Variants in SPAG6 observed in about 807,000 individuals in gnomAD.
SPAG6 encodes the protein sperm-associated antigen 6.
A neutral mutation model predicts 58.5 loss-of-function variants in SPAG6; 49 were observed. The observed-to-expected ratio is 0.84, with a 90% CI of 0.67 to 1.06. The LOEUF (loss-of-function observed/expected upper bound fraction) is 1.06. SPAG6 is among the 50% of genes least tolerant of loss of function. The pLI is 0.00. For missense variants in SPAG6, 560 were observed against 611.3 expected, an observed-to-expected ratio of 0.92 and a Z score of 0.89; for synonymous variants, 233 against 225.6, an observed-to-expected ratio of 1.03 and a Z score of -0.29.
intron 4 of SPAG6, among the ~76,000 whole-genome samples, chr10:22,370,936 A>G (rs945153984): frequency 2.6e-5 from 4 of 152,138 alleles, no homozygotes; most frequent in African/African-American, 9.7e-5. Context: ...AACTGTATAG[A>G]TACTCTCTCA....
rs367697719 is a variant in SPAG6, at chr10:22,401,590, C to G, written c.1314+313C>G. 2.1e-4 allele frequency among the ~76,000 whole-genome samples: 32 copies of G among 152,150 alleles called. 2 individuals are homozygous for G. Among genetic ancestry groups the G allele is most frequent in the African/African-American group, 6.5e-4 (27 of 41,504 alleles). ...AATCTTTCTAGTGTCTTTCATTTCA[C>G]TCACCTGGGAATATGGCAAAGATCA... On this transcript the variant is annotated intron_variant, in intron 9 of 10. Transcript: ENST00000376624.
chr10:22,364,335 T>A (rs1837131974), intron 2 of SPAG6, among the ~76,000 whole-genome samples: 1 of 152,244 alleles, frequency 6.6e-6, no homozygotes, highest in Non-Finnish European at 1.5e-5. Flanking sequence ...CTATTGTTGC[T>A]GTTGTGGTGA....
At chr10:22,352,667 G>A (rs931935761) in intron 2 of SPAG6, among the ~76,000 whole-genome samples, 2 of 152,174 alleles carry the variant, frequency 1.3e-5, no homozygotes, top group Non-Finnish European at 2.9e-5. Context: ...ACTGGCATGT[G>A]CCACCACGCC....
intron 6 of SPAG6, among the ~76,000 whole-genome samples, 178 bp from the exon 7 acceptor site, chr10:22,388,982 T>C (rs1388527990): frequency 1.3e-5 from 2 of 152,206 alleles, no homozygotes; most frequent in African/African-American, 4.8e-5. Flanking sequence ...AGTTTGTGCA[T>C]TTGAACTAGC....
chr10:22,383,866 C>T (rs1320255548), intron 4 of SPAG6, among the ~76,000 whole-genome samples: 2 of 152,028 alleles, frequency 1.3e-5, no homozygotes, highest in Non-Finnish European at 2.9e-5. Flanking sequence ...AAGATCTAGC[C>T]AAGTGTGCAG....
rs191897674 is a variant in SPAG6, at chr10:22,397,464, C to G, written c.1198-3697C>G. 3.6e-3 allele frequency among the ~76,000 whole-genome samples: 550 copies of G among 152,208 alleles called. 2 individuals are homozygous for G. The highest frequency in any genetic ancestry group is 0.013 in the African/African-American group (533 of 41,512). On this transcript the variant is annotated intron_variant, in intron 8 of 10. Transcript: ENST00000376624. ...AGTAGTTGGGATTACAGGCATGTAC[C>G]ACCATGCCTGGCTAATTTTTTTGGT...
At chr10:22,355,903 A>T (rs2132035616) in intron 2 of SPAG6, among the ~76,000 whole-genome samples, 1 of 152,350 alleles carries the variant, frequency 6.6e-6, no homozygotes, top group East Asian at 1.9e-4. Context: ...AGAACATGTT[A>T]TACAATTCAT....
chr10:22,360,996 T>A, intron 2 of SPAG6: 1 of 636,384 alleles, frequency 1.6e-6, no homozygotes, highest in Non-Finnish European at 2.8e-6. Flanking sequence ...AAAGTCTCCA[T>A]GTTTAATATG....
At chr10:22,351,482 C>A (rs1443747494) in intron 2 of SPAG6, among the ~76,000 whole-genome samples, 1 of 152,200 alleles carries the variant, frequency 6.6e-6, no homozygotes, top group Admixed American at 6.5e-5. Flanking sequence ...GGGCTGTCAG[C>A]TGCCTGTGAC....
chr10:22,405,971 A>T (rs1018973419), intron 9 of SPAG6, among the ~76,000 whole-genome samples: 27 of 151,996 alleles, frequency 1.8e-4, no homozygotes, highest in Admixed American at 1.6e-3. Context: ...TTTCTGTGGG[A>T]TCGGTGGTGA....
chr10:22,384,934 A>G (rs966117888), intron 4 of SPAG6, among the ~76,000 whole-genome samples: 1 of 152,200 alleles, frequency 6.6e-6, no homozygotes, highest in Non-Finnish European at 1.5e-5. Context: ...TTTTGTTAAT[A>G]GTACTTTTAA....
intron 10 of SPAG6, among the ~76,000 whole-genome samples, chr10:22,413,607 C>G (rs1290641884): frequency 6.6e-6 from 1 of 151,344 alleles, no homozygotes; most frequent in Non-Finnish European, 1.5e-5. Flanking sequence ...TTCCCCAATT[C>G]TGTGGGCTGG....
At chr10:22,387,087 A>G in intron 5 of SPAG6, 128 bp downstream of exon 5, 1 of 697,144 alleles carries the variant, frequency 1.4e-6, no homozygotes. Flanking sequence ...ATATGAATAT[A>G]TTATGTATTT....
chr10:22,362,777 T>C (rs1393493392), intron 2 of SPAG6, among the ~76,000 whole-genome samples: 1 of 151,820 alleles, frequency 6.6e-6, no homozygotes, highest in East Asian at 1.9e-4. Flanking sequence ...TCGACGATAA[T>C]GACAATACAA....
intron 9 of SPAG6, among the ~76,000 whole-genome samples, chr10:22,402,241 A>C (rs906157643): frequency 2.0e-5 from 3 of 152,236 alleles, no homozygotes; most frequent in Non-Finnish European, 4.4e-5. Context: ...AGTTGTATTT[A>C]AGAAATAAAA....
intron 10 of SPAG6, among the ~76,000 whole-genome samples, chr10:22,415,449 T>C (rs1834845926): frequency 6.6e-6 from 1 of 152,190 alleles, no homozygotes; most frequent in African/African-American, 2.4e-5. Flanking sequence ...AATTTCTCAG[T>C]GTAAGAATAC....
intron 8 of SPAG6, among the ~76,000 whole-genome samples, chr10:22,393,029 T>A (rs1834216654): frequency 1.3e-5 from 2 of 152,160 alleles, no homozygotes; most frequent in Non-Finnish European, 2.9e-5. Flanking sequence ...TGGCAATGCT[T>A]GGTAAAGAGA....
At chr10:22,384,499 T>C (rs1321292374) in intron 4 of SPAG6, among the ~76,000 whole-genome samples, 2 of 152,258 alleles carry the variant, frequency 1.3e-5, no homozygotes, top group African/African-American at 4.8e-5. Flanking sequence ...TGTATTCTTA[T>C]CTGTATATAC....
chr10:22,416,877 G>A lies in SPAG6; in HGVS notation c.*189G>A. Reference sequence around the variant, plus strand: ...TTGAATATGTGAGGAACTATTCATGGTCATTCGCATGCATAGGATTTGTTC... The same window carrying A: ...TTGAATATGTGAGGAACTATTCATGATCATTCGCATGCATAGGATTTGTTC... On this transcript the variant is annotated 3_prime_UTR_variant, in exon 11 of 11. Transcript: ENST00000376624. The A allele has an allele frequency of 2.2e-6, 1 of 446,962 alleles. No homozygotes were observed. The highest frequency in any genetic ancestry group is 4.1e-6 in the Non-Finnish European group (1 of 246,528). The allele number at this position is 446,962 out of a possible 1,614,324, so 27.7% of individuals were successfully genotyped here.
Sources: gnomAD v4.1 joint callset for allele counts (sites outside exome capture counted in the v4.1 genomes callset) on GRCh38, gnomAD v4.1.1 for gene constraint, MANE v1.5 for transcripts, NCBI Gene and HGNC (gene_info 2026-07-23, HGNC 2026-07-21) for gene names.